The following BRD4 variants were observed in gnomAD, a reference collection of about 807,000 sequenced individuals.
The protein encoded by BRD4 is bromodomain containing 4.
Under a neutral mutation model 142.1 loss-of-function variants are expected in BRD4, and 16 were observed. That is an observed-to-expected ratio of 0.11 (90% confidence interval 0.08 to 0.17). BRD4 has a LOEUF of 0.17. Among genes scored for constraint, BRD4 ranks in the 10% least tolerant of loss-of-function variants. The pLI is 1.00. For missense variants in BRD4, 1,424 were observed against 1,810.9 expected, an observed-to-expected ratio of 0.79 and a Z score of 3.88; for synonymous variants, 833 against 707.5, an observed-to-expected ratio of 1.18 and a Z score of -2.82.
intron 11 of BRD4, among the ~76,000 whole-genome samples, chr19:15,252,739 A>G (rs2145558203): frequency 6.6e-6 from 1 of 152,326 alleles, no homozygotes; most frequent in Admixed American, 6.5e-5. Context: ...TTCTGCATGC[A>G]GTTGTGGTAG....
At chr19:15,295,470 C>T (rs1479524405) in intron 1 of BRD4, among the ~76,000 whole-genome samples, 5 of 152,208 alleles carry the variant, frequency 3.3e-5, no homozygotes, top group Admixed American at 3.3e-4. Flanking sequence ...GGTGGCTTTC[C>T]CAACTGTTGC....
chr19:15,270,963 G>A (rs935066678), intron 2 of BRD4, among the ~76,000 whole-genome samples: 6 of 152,120 alleles, frequency 3.9e-5, no homozygotes, highest in Admixed American at 6.6e-5. Flanking sequence ...TGAGGGCGAC[G>A]TCAACAGTCA....
At chr19:15,248,864 C>A in intron 11 of BRD4, 1 of 318,656 alleles carries the variant, frequency 3.1e-6, no homozygotes, top group Non-Finnish European at 5.9e-6. Context: ...TAGTTAGGGT[C>A]CAAAGTCCCA....
chr19:15,297,452 C>T (rs1050286775), intron 1 of BRD4, among the ~76,000 whole-genome samples: 2 of 152,210 alleles, frequency 1.3e-5, no homozygotes, highest in African/African-American at 4.8e-5. Context: ...CGAACCCCCC[C>T]AAACCCTGGC....
At chr19:15,264,071 C>G in intron 6 of BRD4, 1 of 283,088 alleles carries the variant, frequency 3.5e-6, no homozygotes, top group Non-Finnish European at 6.6e-6. Flanking sequence ...CTGGCAAGGC[C>G]GCCAAGCCCC....
intron 2 of BRD4, among the ~76,000 whole-genome samples, chr19:15,271,943 G>A (rs1371380121): frequency 6.6e-6 from 1 of 150,978 alleles, no homozygotes; most frequent in African/African-American, 2.5e-5. Flanking sequence ...ACACACCAGT[G>A]GCTCTGGTGT....
At position 15,244,297 on chromosome 19, in the gene BRD4, G is replaced by T; in HGVS notation, c.2515C>A (p.Leu839Met). Residue 839 changes from leucine (L) to methionine (M), a missense_variant, in exon 13 of 20, where the codon CTG becomes ATG. Leu to Met is a conservative substitution (Grantham distance 15). Around this residue, in one of 16 missense-constraint regions of BRD4, gnomAD observed 598 missense variants for 647.8 expected, o/e 0.92. Transcript: ENST00000679869. ...GTGCTGTGCTCAGGCGGCTGGGGCAGGTGAGGGGGCAGCTCAGGCTGCGGC... is the reference window on the plus strand; with the variant it reads ...GTGCTGTGCTCAGGCGGCTGGGGCATGTGAGGGGGCAGCTCAGGCTGCGGC... Reference protein sequence around the residue: ...HLPQPELPPHLPQPPEHSTPP... With the variant: ...HLPQPELPPHMPQPPEHSTPP... 1 of 1,596,030 alleles carries T rather than the reference G, an allele frequency of 6.3e-7. No individual in the cohort carries two copies.
At chr19:15,285,945 A>G (rs1273590072) in intron 1 of BRD4, among the ~76,000 whole-genome samples, 3 of 152,134 alleles carry the variant, frequency 2.0e-5, no homozygotes, top group Non-Finnish European at 4.4e-5. Context: ...AGAGCCAGAG[A>G]GCAACATGCT....
At chr19:15,306,036 G>C (rs543332940) in intron 1 of BRD4, among the ~76,000 whole-genome samples, 1 of 152,302 alleles carries the variant, frequency 6.6e-6, no homozygotes, top group African/African-American at 2.4e-5. Flanking sequence ...GAATTGAATA[G>C]AGTTACTACG....
chr19:15,245,821 C>T (rs2047280865), intron 11 of BRD4, among the ~76,000 whole-genome samples: 1 of 152,220 alleles, frequency 6.6e-6, no homozygotes. Context: ...ATGGCACTGC[C>T]TGGCTTCGCC....
In BRD4 at chr19:15,275,042, G is replaced by A. The variant is rs924575501; in HGVS notation, c.-34-1909C>T. 7.9e-5 allele frequency among the ~76,000 whole-genome samples: 12 copies of A among 151,874 alleles called. No homozygotes were observed. In the South Asian group the frequency reaches 8.3e-4, roughly 11 times the overall value. On this transcript the variant is annotated intron_variant, in intron 1 of 19. Transcript: ENST00000679869. ...GCTGGCTAATATTTGTATTTTTAGT[G>A]GAGATGGGGTTTCACCATGTTGGCC...
chr19:15,244,598 G>C lies in BRD4; in HGVS notation c.2214C>G (p.His738Gln), dbSNP rs1488126563. The change falls in exon 13 of 20, where the codon CAC (histidine) becomes CAG (glutamine). Residue 738 changes from histidine (H) to glutamine (Q), a missense_variant and splice_region_variant. His to Gln is a conservative substitution (Grantham distance 24). This residue lies in a region of BRD4 where 598 missense variants were observed against 647.8 expected (regional missense o/e 0.92). Transcript: ENST00000679869. Reference sequence around the variant, plus strand: ...GCATCTGCTGATGGTGGTGATGATGGTGCTGCAGACAGAGAGACAGACAGA... The same window carrying C: ...GCATCTGCTGATGGTGGTGATGATGCTGCTGCAGACAGAGAGACAGACAGA... ...KGHPGREQKK[H>Q]HHHHHQQMQQ... The C allele has an allele frequency of 1.9e-6, 3 of 1,611,994 alleles. No homozygotes were observed. The highest frequency in any genetic ancestry group is 2.5e-6 in the Non-Finnish European group (3 of 1,179,874).
intron 1 of BRD4, among the ~76,000 whole-genome samples, chr19:15,287,086 T>C (rs2047745491): frequency 6.6e-6 from 1 of 152,174 alleles, no homozygotes; most frequent in Non-Finnish European, 1.5e-5. Flanking sequence ...AATATATCTA[T>C]TTAAAAGAAA....
chr19:15,272,072 A>C (rs180965370), intron 2 of BRD4, among the ~76,000 whole-genome samples: 98 of 150,844 alleles, frequency 6.5e-4, no homozygotes, highest in South Asian at 1.7e-3. Context: ...GCTTTAAAGA[A>C]AAAAAAACTG....
intron 13 of BRD4, 32 bp from the exon 14 acceptor site, chr19:15,243,519 C>T (rs2047258063): frequency 2.6e-6 from 4 of 1,518,372 alleles, no homozygotes; most frequent in Non-Finnish European, 3.5e-6. Context: ...GCGGTGAGGC[C>T]TGAGCACCTG....
Position 15,244,440 on chromosome 19 carries a change from G to A in BRD4, c.2372C>T (p.Pro791Leu), listed in dbSNP as rs201388205. ...GGGTGGGGGCGAGGACTTCATCGCC[G>A]GGGCTGCCTGCTGCGGCATGGAGGG... ...PPPSMPQQAA[P>L]AMKSSPPPFI... is the part of the protein sequence containing the mutation. The change falls in exon 13 of 20, where the codon CCG becomes CTG. Residue 791 changes from proline (P) to leucine (L), a missense_variant. This residue lies in a region of BRD4 where 598 missense variants were observed against 647.8 expected (regional missense o/e 0.92). Coordinates refer to ENST00000679869, the MANE Select transcript of BRD4 (RefSeq NM_001379291.1). 75 of 1,569,866 alleles carry A rather than the reference G, an allele frequency of 4.8e-5. No homozygotes were observed. The highest frequency in any genetic ancestry group is 5.6e-5 in the Non-Finnish European group (65 of 1,166,742).
At chr19:15,252,756 T>C (rs557634108) in intron 11 of BRD4, among the ~76,000 whole-genome samples, 1 of 152,320 alleles carries the variant, frequency 6.6e-6, no homozygotes, top group East Asian at 1.9e-4. Context: ...GTAGAGAATG[T>C]GGGCATCTGG....
At chr19:15,249,788 A>G (rs2047324968) in intron 11 of BRD4, among the ~76,000 whole-genome samples, 1 of 152,142 alleles carries the variant, frequency 6.6e-6, no homozygotes, top group Non-Finnish European at 1.5e-5. Flanking sequence ...TCCTGGGTCT[A>G]CAAGAAAGGA....
At chr19:15,246,317 A>T (rs2047285786) in intron 11 of BRD4, among the ~76,000 whole-genome samples, 1 of 152,136 alleles carries the variant, frequency 6.6e-6, no homozygotes, top group African/African-American at 2.4e-5. Context: ...GTTGGCAGCC[A>T]CAGGACCAGG....
Sources: gnomAD v4.1 joint callset for allele counts (sites outside exome capture counted in the v4.1 genomes callset) on GRCh38, gnomAD v4.1.1 for gene constraint, gnomAD v4.1.1 regional missense constraint, MANE v1.5 for transcripts, NCBI Gene and HGNC (gene_info 2026-07-23, HGNC 2026-07-21) for gene names.